The following SLC44A1 variants were observed in gnomAD, a reference collection of about 807,000 sequenced individuals.
SLC44A1 encodes the protein choline transporter-like protein 1.
Under a neutral mutation model 79.3 loss-of-function variants are expected in SLC44A1, and 26 were observed. The ratio of observed to expected loss-of-function variants is 0.33; its 90% confidence interval spans 0.24 to 0.46. SLC44A1 has a LOEUF of 0.46. Ranked by LOEUF, SLC44A1 falls within the 20% of genes least tolerant of loss-of-function variation. SLC44A1 has a pLI of 1.00. For missense variants in SLC44A1, 688 were observed against 798.1 expected, an observed-to-expected ratio of 0.86 and a Z score of 1.66; for synonymous variants, 263 against 286.2, an observed-to-expected ratio of 0.92 and a Z score of 0.82.
intron 14 of SLC44A1, 94 bp downstream of exon 14, chr9:105,383,453 G>T: frequency 4.1e-6 from 3 of 735,344 alleles, no homozygotes. Context: ...CACACTATAT[G>T]CAACTGAGTA....
At chr9:105,318,488 T>C (rs1826277421) in intron 3 of SLC44A1, among the ~76,000 whole-genome samples, 1 of 152,156 alleles carries the variant, frequency 6.6e-6, no homozygotes, top group South Asian at 2.1e-4. Context: ...CCTATACAGT[T>C]TTTTTCCTAA....
intron 1 of SLC44A1, among the ~76,000 whole-genome samples, chr9:105,288,373 G>A (rs1169486386): frequency 6.6e-6 from 1 of 152,074 alleles, no homozygotes; most frequent in Admixed American, 6.6e-5. Context: ...TTTTGAGACA[G>A]GGTCTCGCTC....
chr9:105,336,535 C>G (rs1826927595), intron 4 of SLC44A1, among the ~76,000 whole-genome samples: 2 of 152,028 alleles, frequency 1.3e-5, no homozygotes, highest in Admixed American at 6.6e-5. Flanking sequence ...TTTGAATTTC[C>G]TTGAGGTTTC....
chr9:105,354,337 A>T (rs1387837269), intron 5 of SLC44A1, among the ~76,000 whole-genome samples: 1 of 152,052 alleles, frequency 6.6e-6, no homozygotes, highest in Non-Finnish European at 1.5e-5. Flanking sequence ...GGCGTGAGCC[A>T]CCGCGCCCGG....
intron 1 of SLC44A1, among the ~76,000 whole-genome samples, chr9:105,254,159 A>G (rs1005281744): frequency 2.6e-5 from 4 of 152,232 alleles, no homozygotes; most frequent in Non-Finnish European, 5.9e-5. Flanking sequence ...TGGTTAGTTC[A>G]GTGGCTTGAT....
intron 3 of SLC44A1, among the ~76,000 whole-genome samples, chr9:105,332,583 C>A (rs543119846): frequency 6.6e-6 from 1 of 152,156 alleles, no homozygotes; most frequent in South Asian, 2.1e-4. Context: ...GTGTTAATTT[C>A]ACAGTGTTGT....
At chr9:105,356,080 T>G in intron 5 of SLC44A1, 132 bp from the exon 6 acceptor site, 1 of 692,630 alleles carries the variant, frequency 1.4e-6, no homozygotes, top group Non-Finnish European at 2.5e-6. Context: ...CACACAGCTC[T>G]TAGCTCCCAT....
chr9:105,343,266 G>C (rs116835488), intron 4 of SLC44A1, among the ~76,000 whole-genome samples: 14,808 of 151,914 alleles, frequency 0.097, 1,807 homozygotes, highest in African/African-American at 0.29. Flanking sequence ...AAAAAAATTT[G>C]AGAGCTTTAT....
At chr9:105,376,328 C>CACACACACACACACACACACT (rs1564467235) in intron 13 of SLC44A1, among the ~76,000 whole-genome samples, 3 of 139,124 alleles carry the variant, frequency 2.2e-5, no homozygotes, top group Admixed American at 6.9e-5. Context: ...CACACACACA[C>CACACACACACACACACACACT]ACACACACAC....
rs372173567 is a variant in SLC44A1 at position 105,423,359 on chromosome 9, G to A, written c.1951-14922G>A. On this transcript the variant is annotated intron_variant, in intron 15 of 15. Transcript: ENST00000374724. ...CATGTCTGTAATCCCAGCTGGTCCA[G>A]GAGGCTGAGGCAGGGAGAATCACTT... Among the ~76,000 whole-genome samples the A allele has an allele frequency of 6.6e-5, 10 of 152,276 alleles. No individual in the cohort carries two copies. The East Asian group carries it at 1.7e-3, about 27-fold the overall frequency.
In SLC44A1 at chr9:105,374,607, A is replaced by G. The variant is rs148518626; in HGVS notation, c.1504A>G (p.Thr502Ala). Residue 502 changes from threonine to alanine, a missense_variant, in exon 13 of 16, where the codon ACA becomes GCA. Transcript: ENST00000374720. ...CLNYLNQNAY[T>A]ATAINSTNFC... The stretch of plus-strand genomic sequence containing the variant: ...TTTTGCTTTTGTCCAGAATGCATAC[A>G]CAGCCACAGCTATCAACAGCACCAA... 1.3e-3 allele frequency: 2,067 copies of G among 1,611,434 alleles called. 5 individuals are homozygous for G. The highest frequency in any genetic ancestry group is 1.5e-3 in the Non-Finnish European group (1,711 of 1,179,384).
chr9:105,318,179 T>G (rs1826261027), intron 3 of SLC44A1, among the ~76,000 whole-genome samples: 1 of 152,170 alleles, frequency 6.6e-6, no homozygotes, highest in Non-Finnish European at 1.5e-5. Context: ...ATACAGGTTT[T>G]TTTGTTTGTT....
exon 16 of SLC44A1, chr9:105,438,349 T>G: frequency 7.0e-7 from 1 of 1,432,694 alleles, no homozygotes; most frequent in Non-Finnish European, 9.6e-7. Flanking sequence ...TACATGAGGT[T>G]CTCCCACTCA....
At chr9:105,363,121 T>C (rs1827832040) in intron 9 of SLC44A1, 114 bp downstream of exon 9, 10 of 809,374 alleles carry the variant, frequency 1.2e-5, no homozygotes, top group Non-Finnish European at 1.8e-5. Context: ...CCAATAGCCA[T>C]CAGAACTTGT....
In SLC44A1 at chr9:105,393,023, G is replaced by A. The variant is rs1290233629; in HGVS notation, c.*3967G>A. ...GAGGCTTATCAGTGCACCTGCCACAGTTAATTTCTGTATTCTTTTCATACA... is the reference window on the plus strand; with the variant it reads ...GAGGCTTATCAGTGCACCTGCCACAATTAATTTCTGTATTCTTTTCATACA... On this transcript the variant is annotated 3_prime_UTR_variant, in exon 16 of 16. Transcript: ENST00000374720. The A allele has an allele frequency of 2.0e-6, 2 of 985,040 alleles. No homozygotes were observed. The highest frequency in any genetic ancestry group is 2.4e-6 in the Non-Finnish European group (2 of 829,738). 61.0% of individuals were successfully genotyped at this position (985,040 alleles called of 1,614,324 possible).
Position 105,374,705 on chromosome 9 carries a change from A to T in SLC44A1, c.1602A>T (p.Thr534=). The T allele has an allele frequency of 6.2e-7, 1 of 1,613,218 alleles. No homozygotes were observed. Among genetic ancestry groups the T allele is most frequent in the African/African-American group, 1.3e-5 (1 of 75,058 alleles). The change falls in exon 13 of 16, where the codon ACA becomes ACT. Residue 534 remains threonine (T), a synonymous_variant. Coordinates refer to ENST00000374720, the MANE Select transcript of SLC44A1 (RefSeq NM_080546.5). The part of the protein sequence containing the change: ...ENALRVATIN[T]VGDFMLFLGK... Reference sequence around the variant, plus strand: ...CTTTGCGAGTGGCTACCATCAACACAGTAGGAGATTTTATGTTATTCCTTG... The same window carrying T: ...CTTTGCGAGTGGCTACCATCAACACTGTAGGAGATTTTATGTTATTCCTTG...
At chr9:105,374,500 A>T in intron 12 of SLC44A1, 98 bp from the exon 13 acceptor site, 2 of 1,197,688 alleles carry the variant, frequency 1.7e-6, no homozygotes, top group Non-Finnish European at 2.4e-6. Flanking sequence ...TGTTTGACTG[A>T]AATATTTTTA....
In SLC44A1 at chr9:105,392,182, TC is replaced by T. The variant is rs1202444113; in HGVS notation, c.*3128del. 2 of 984,960 alleles carry T rather than the reference TC, an allele frequency of 2.0e-6. No individual in the cohort carries two copies. The highest frequency in any genetic ancestry group is 2.4e-6 in the Non-Finnish European group (2 of 829,594). 61.0% of individuals were successfully genotyped at this position (984,960 alleles called of 1,614,324 possible). A position where few individuals can be genotyped will look rare whatever the true frequency, so the allele number is the denominator to read the frequency against. On this transcript the variant is annotated 3_prime_UTR_variant, in exon 16 of 16. Transcript: ENST00000374720. ...ATGAGCAGAGCTCAAAGCCAGTTGT[TC>T]CTTTAAAGCATTTAATGCAATGGCT...
intron 15 of SLC44A1, among the ~76,000 whole-genome samples, chr9:105,412,668 C>A (rs1045509977): frequency 1.8e-4 from 27 of 152,204 alleles, no homozygotes; most frequent in Middle Eastern, 3.4e-3. Context: ...GTGGCGCCAT[C>A]TCAGCTCACT....
Sources: allele counts gnomAD v4.1 joint callset (sites outside exome capture counted in the v4.1 genomes callset), GRCh38; gene constraint gnomAD v4.1.1; transcripts MANE v1.5; gene names NCBI Gene and HGNC (gene_info 2026-07-23, HGNC 2026-07-21).